CUL5: variants seen among roughly 807,000 people sequenced by gnomAD.
CUL5 encodes cullin-5.
Under a neutral mutation model 108.8 loss-of-function variants are expected in CUL5, and 26 were observed. The ratio of observed to expected loss-of-function variants is 0.24; its 90% CI spans 0.18 to 0.33. The LOEUF is 0.33. Ranked by LOEUF, CUL5 falls within the 10% of genes least tolerant of loss-of-function variation. CUL5 has a pLI of 1.00. For synonymous variants in CUL5, 334 were observed against 298.0 expected (o/e 1.12, Z -1.25); for missense variants, 524 against 909.2 (o/e 0.58, Z 5.45).
At chr11:108,087,699 C>T (rs901727673) in intron 11 of CUL5, among the ~76,000 whole-genome samples, 7 of 152,144 alleles carry the variant, frequency 4.6e-5, no homozygotes, top group Non-Finnish European at 1.0e-4. Context: ...CGGTGGCCCA[C>T]GCGTATAATC....
At chr11:108,052,618 A>G in intron 4 of CUL5, 42 bp from the exon 5 acceptor site, 1 of 1,532,862 alleles carries the variant, frequency 6.5e-7, no homozygotes, top group Non-Finnish European at 8.9e-7. Flanking sequence ...TTTGTATATT[A>G]ATAATTGAAA....
At chr11:108,103,977 G>A (rs1332190850) in intron 18 of CUL5, among the ~76,000 whole-genome samples, 1 of 151,726 alleles carries the variant, frequency 6.6e-6, no homozygotes, top group Non-Finnish European at 1.5e-5. Context: ...ACCCCAATAA[G>A]CAGATTCTCT....
At chr11:108,023,036 G>C (rs1208956829) in intron 1 of CUL5, among the ~76,000 whole-genome samples, 1 of 152,192 alleles carries the variant, frequency 6.6e-6, no homozygotes, top group African/African-American at 2.4e-5. Context: ...ATCACCTGAG[G>C]TCAGGAGTTC....
chr11:108,083,099 C>A (rs1864136953), intron 11 of CUL5, among the ~76,000 whole-genome samples: 1 of 152,136 alleles, frequency 6.6e-6, no homozygotes, highest in Non-Finnish European at 1.5e-5. Flanking sequence ...TTTCTTTTCT[C>A]TGACTAATTG....
chr11:108,032,203 A>G (rs1476917248), intron 1 of CUL5, among the ~76,000 whole-genome samples: 1 of 152,162 alleles, frequency 6.6e-6, no homozygotes, highest in Non-Finnish European at 1.5e-5. Context: ...GTTGAAATTT[A>G]CTGGCCAAAA....
At chr11:108,103,820 AATAC>A (rs1006972430) in intron 18 of CUL5, among the ~76,000 whole-genome samples, 4 of 152,158 alleles carry the variant, frequency 2.6e-5, no homozygotes, top group Non-Finnish European at 4.4e-5. Flanking sequence ...ATTTTTTTTA[AATAC>A]ATACTTTAAG....
intron 3 of CUL5, among the ~76,000 whole-genome samples, chr11:108,047,835 T>G (rs185558061): frequency 0.01 from 1,523 of 152,294 alleles, 31 homozygotes; most frequent in African/African-American, 0.035. Flanking sequence ...TTATGTTTAT[T>G]TCAGATAGAT....
At chr11:108,071,300 G>T (rs1005746110) in intron 8 of CUL5, among the ~76,000 whole-genome samples, 2 of 151,960 alleles carry the variant, frequency 1.3e-5, no homozygotes, top group Non-Finnish European at 2.9e-5. Flanking sequence ...TCGCTGTGTT[G>T]CCCAACCTGG....
intron 4 of CUL5, among the ~76,000 whole-genome samples, chr11:108,051,242 A>AT (rs1348625616): frequency 2.0e-5 from 3 of 152,146 alleles, no homozygotes; most frequent in African/African-American, 4.8e-5. Flanking sequence ...TCTGGCTGCG[A>AT]TTTAATTTGT....
In CUL5 at chr11:108,017,955, CT is replaced by C. The variant is rs1289346062; in HGVS notation, c.24+8588del. ...TTTTGACTATTTTTTGTTGAATGTT[CT>C]TTTTCTTCCTCATGTTGACATTTCA... On this transcript the variant is annotated intron_variant, in intron 1 of 18. Coordinates refer to ENST00000393094, the MANE Select transcript of CUL5 (RefSeq NM_003478.6). Among the ~76,000 whole-genome samples the C allele has an allele frequency of 9.2e-5, 14 of 152,172 alleles. No individual in the cohort carries two copies. In the East Asian group the frequency reaches 2.7e-3, roughly 29 times the overall value.
At position 108,105,467 on chromosome 11, in the gene CUL5, CAG is replaced by C. The variant is rs1864772844; in HGVS notation, c.*1085_*1086del. ...AAACCACAACATAAGACCTGAAAAA[CAG>C]AAGCAAAATTGTTGCACTCTTAATA... On this transcript the variant is annotated 3_prime_UTR_variant, in exon 19 of 19. Coordinates refer to ENST00000393094, the MANE Select transcript of CUL5 (RefSeq NM_003478.6). 6.6e-6 allele frequency: 1 copy of C among 152,454 alleles called. No individual in the cohort carries two copies. Among genetic ancestry groups the C allele is most frequent in the African/African-American group, 2.4e-5 (1 of 41,422 alleles). 9.4% of individuals were successfully genotyped at this position (152,454 alleles called of 1,614,324 possible). A position where few individuals can be genotyped will look rare whatever the true frequency, so the allele number is the denominator to read the frequency against.
rs375781794 is a variant in CUL5 at position 108,028,026 on chromosome 11, T to A, written c.25-5776T>A. 4.6e-4 allele frequency among the ~76,000 whole-genome samples: 70 copies of A among 152,286 alleles called. 2 individuals carry two copies. Among genetic ancestry groups the A allele is most frequent in the African/African-American group, 1.6e-3 (68 of 41,562 alleles). On this transcript the variant is annotated intron_variant, in intron 1 of 18. Transcript: ENST00000393094. The stretch of plus-strand genomic sequence containing the variant: ...ATATCTAAAACCTCAGGCTTGGGTC[T>A]CCATCTTTATGTATCACTTCTCTCA...
intron 7 of CUL5, among the ~76,000 whole-genome samples, chr11:108,066,738 C>G (rs1017176297): frequency 6.6e-6 from 1 of 152,220 alleles, no homozygotes; most frequent in African/African-American, 2.4e-5. Context: ...GGACACAGCA[C>G]AGTCTTTATA....
chr11:108,071,186 T>G (rs1291742715), intron 8 of CUL5, among the ~76,000 whole-genome samples: 1 of 152,242 alleles, frequency 6.6e-6, no homozygotes, highest in Non-Finnish European at 1.5e-5. Context: ...TGGCTGTATA[T>G]GTAGTATTAC....
intron 1 of CUL5, among the ~76,000 whole-genome samples, chr11:108,024,328 C>T (rs1469939229): frequency 6.6e-6 from 1 of 152,070 alleles, no homozygotes; most frequent in Admixed American, 6.6e-5. Flanking sequence ...GGCAGGAGGG[C>T]CACTTGATCA....
chr11:108,097,441 G>A (rs1461614607), intron 16 of CUL5, among the ~76,000 whole-genome samples, 195 bp from the exon 17 acceptor site: 2 of 152,114 alleles, frequency 1.3e-5, no homozygotes, highest in East Asian at 3.8e-4. Flanking sequence ...AGCATTTATT[G>A]CTTTCTCATA....
chr11:108,033,570 C>A (rs144701983), intron 1 of CUL5, among the ~76,000 whole-genome samples: 5 of 152,256 alleles, frequency 3.3e-5, no homozygotes, highest in South Asian at 2.1e-4. Flanking sequence ...CAGACTGTCT[C>A]CTTGGACAAG....
At chr11:108,090,806 G>T (rs1414132044) in intron 13 of CUL5, among the ~76,000 whole-genome samples, 3 of 152,070 alleles carry the variant, frequency 2.0e-5, no homozygotes. Flanking sequence ...ACACGAGAGA[G>T]ACCTACAGAT....
At chr11:108,034,502 C>T (rs981704777) in intron 2 of CUL5, among the ~76,000 whole-genome samples, 1 of 152,158 alleles carries the variant, frequency 6.6e-6, no homozygotes, top group Non-Finnish European at 1.5e-5. Context: ...ATCTTACAAG[C>T]AGGCATTTCT....
Sources: allele counts gnomAD v4.1 joint callset (sites outside exome capture counted in the v4.1 genomes callset), GRCh38; gene constraint gnomAD v4.1.1; transcripts MANE v1.5; gene names NCBI Gene and HGNC (gene_info 2026-07-23, HGNC 2026-07-21).